The following TANC2 variants were observed in gnomAD, a reference collection of about 807,000 sequenced individuals.
TANC2 encodes the protein protein TANC2.
Under a neutral mutation model 210.5 loss-of-function variants are expected in TANC2, and 26 were observed. The ratio of observed to expected loss-of-function variants is 0.12; its 90% CI spans 0.09 to 0.17. The LOEUF (loss-of-function observed/expected upper bound fraction) is 0.17, where lower values mean the gene tolerates loss of function less well. Among genes scored for constraint, TANC2 ranks in the 10% least tolerant of loss-of-function variants. The pLI, the probability that TANC2 is intolerant of heterozygous loss-of-function variation, is 1.00. For synonymous variants in TANC2, 931 were observed against 967.1 expected, an observed-to-expected ratio of 0.96 and a Z score of 0.69; for missense variants, 2,129 against 2,608.9, an observed-to-expected ratio of 0.82 and a Z score of 4.01.
At chr17:63,220,037 G>A (rs1239917941) in intron 7 of TANC2, among the ~76,000 whole-genome samples, 1 of 152,148 alleles carries the variant, frequency 6.6e-6, no homozygotes, top group African/African-American at 2.4e-5. Context: ...GCTCACACCT[G>A]TAGTCCCAAC....
At chr17:63,314,596 A>C (rs2045254046) in exon 10 of TANC2, 2 of 1,613,896 alleles carry the variant, frequency 1.2e-6, no homozygotes, top group Non-Finnish European at 1.7e-6. Flanking sequence ...TCATCTCCAG[A>C]CTGGTGGCCC....
rs1182921338 is a variant in TANC2 at position 63,211,543 on chromosome 17, C to G, written c.769+10586C>G. ...AATCCAGCTGAGAAGTGTTCTGTCACCACCACTACTACTCCTCCCACCTTT... is the reference window on the plus strand; with the variant it reads ...AATCCAGCTGAGAAGTGTTCTGTCAGCACCACTACTACTCCTCCCACCTTT... On this transcript the variant is annotated intron_variant, in intron 7 of 27. Transcript: ENST00000689528. Among the ~76,000 whole-genome samples the G allele has an allele frequency of 1.7e-4, 26 of 152,066 alleles. 1 individual carries two copies. Among genetic ancestry groups the G allele is most frequent in the Non-Finnish European group, 7.4e-5 (5 of 68,014 alleles).
At chr17:63,064,792 A>T (rs757199098) in intron 2 of TANC2, among the ~76,000 whole-genome samples, 1 of 152,040 alleles carries the variant, frequency 6.6e-6, no homozygotes, top group Non-Finnish European at 1.5e-5. Flanking sequence ...ATGACATACA[A>T]TGTGATGTTT....
At chr17:62,989,811 G>A (rs866511391) in intron 1 of TANC2, among the ~76,000 whole-genome samples, 1 of 126,800 alleles carries the variant, frequency 7.9e-6, no homozygotes. Context: ...TCACTCTGTC[G>A]CCCAGCCTGG....
At chr17:63,218,836 G>A (rs1354418922) in intron 7 of TANC2, among the ~76,000 whole-genome samples, 1 of 152,136 alleles carries the variant, frequency 6.6e-6, no homozygotes, top group African/African-American at 2.4e-5. Context: ...AGAGGTTTCA[G>A]TGAGCTGAGA....
At chr17:63,194,474 A>G (rs1313853276) in intron 6 of TANC2, among the ~76,000 whole-genome samples, 2 of 152,252 alleles carry the variant, frequency 1.3e-5, no homozygotes, top group Non-Finnish European at 2.9e-5. Context: ...ATGCTGAGCC[A>G]TAGAGCAGGT....
At chr17:63,311,012 C>T in intron 9 of TANC2, among the ~76,000 whole-genome samples, 1 of 152,154 alleles carries the variant, frequency 6.6e-6, no homozygotes, top group South Asian at 2.1e-4. Flanking sequence ...GTGAGAGGAA[C>T]TAGAGCATAG....
chr17:63,420,836 C>A lies in TANC2; in HGVS notation c.5106C>A (p.Pro1702=). The change falls in exon 28 of 28, where the codon CCC becomes CCA. Residue 1702 remains proline, a synonymous_variant. Coordinates refer to ENST00000689528, the Ensembl canonical transcript of TANC2. The surrounding 1 kb of genome is among the most constrained non-coding windows in gnomAD (Gnocchi z 4.2). Reference sequence around the variant, plus strand: ...CCCAGATTGTGAGAAGTAACCAGCCCAGCCCAGCCGTCCATTCAAGCACCG... The same window carrying A: ...CCCAGATTGTGAGAAGTAACCAGCCAAGCCCAGCCGTCCATTCAAGCACCG... 6.2e-7 allele frequency: 1 copy of A among 1,614,036 alleles called. No individual in the cohort carries two copies. Among genetic ancestry groups the A allele is most frequent in the Non-Finnish European group, 8.5e-7 (1 of 1,179,898 alleles).
chr17:63,255,660 C>T (rs1263209169), intron 8 of TANC2, among the ~76,000 whole-genome samples: 2 of 151,964 alleles, frequency 1.3e-5, no homozygotes, highest in African/African-American at 2.4e-5. Context: ...GTTGTAATGT[C>T]GTTTTCATCT....
At chr17:63,004,109 G>A (rs574740259) in intron 1 of TANC2, among the ~76,000 whole-genome samples, 1 of 152,276 alleles carries the variant, frequency 6.6e-6, no homozygotes, top group South Asian at 2.1e-4. Context: ...AGGGAGGGTT[G>A]ACATTTCACA....
At chr17:63,170,936 A>T (rs2040383034) in intron 5 of TANC2, among the ~76,000 whole-genome samples, 1 of 152,106 alleles carries the variant, frequency 6.6e-6, no homozygotes, top group Non-Finnish European at 1.5e-5. Flanking sequence ...CATGATACTG[A>T]ATTGCTCAAA....
intron 1 of TANC2, among the ~76,000 whole-genome samples, chr17:62,971,869 G>A (rs1285867111): frequency 1.3e-5 from 2 of 152,202 alleles, no homozygotes; most frequent in Non-Finnish European, 2.9e-5. Context: ...GATGATCTGA[G>A]GTGGAACAGT....
At chr17:63,340,639 T>C (rs996310741) in intron 12 of TANC2, among the ~76,000 whole-genome samples, 8 of 152,170 alleles carry the variant, frequency 5.3e-5, no homozygotes, top group African/African-American at 9.7e-5. Context: ...GTCAGTAAAT[T>C]TGTGGCTCCA....
chr17:62,971,905 C>G (rs1274964962), intron 1 of TANC2, among the ~76,000 whole-genome samples: 3 of 152,304 alleles, frequency 2.0e-5, no homozygotes, highest in African/African-American at 4.8e-5. Flanking sequence ...TCTCTGCCCC[C>G]CTACCCTCTG....
intron 8 of TANC2, among the ~76,000 whole-genome samples, chr17:63,266,986 A>C (rs1307215736): frequency 6.6e-6 from 1 of 151,984 alleles, no homozygotes; most frequent in Non-Finnish European, 1.5e-5. Flanking sequence ...AGTAGCTGGG[A>C]CTACAGGCGC....
intron 11 of TANC2, among the ~76,000 whole-genome samples, chr17:63,334,441 A>G (rs962509231): frequency 6.6e-6 from 1 of 152,102 alleles, no homozygotes; most frequent in African/African-American, 2.4e-5. Context: ...AAATAAGCCC[A>G]TACTTATTAA....
intron 7 of TANC2, among the ~76,000 whole-genome samples, chr17:63,225,234 T>A (rs117580931): frequency 0.018 from 2,741 of 152,346 alleles, 34 homozygotes; most frequent in South Asian, 0.025. Context: ...CAGTTAATGT[T>A]TTCTGACGCA....
chr17:63,009,742 GT>G, intron 2 of TANC2, 116 bp downstream of exon 2: 1 of 862,430 alleles, frequency 1.2e-6, no homozygotes, highest in Non-Finnish European at 1.8e-6. Flanking sequence ...TTAAAAGAAA[GT>G]TTACATTTCT....
At chr17:62,984,740 G>A (rs866668462) in intron 1 of TANC2, among the ~76,000 whole-genome samples, 2 of 151,994 alleles carry the variant, frequency 1.3e-5, no homozygotes, top group South Asian at 2.1e-4. Flanking sequence ...GGAGCAGGTT[G>A]TTTTATTTCC....
Sources: allele counts gnomAD v4.1 joint callset (sites outside exome capture counted in the v4.1 genomes callset), GRCh38; gene constraint gnomAD v4.1.1; non-coding constraint Gnocchi (gnomAD v3.1); transcripts MANE v1.5; gene names NCBI Gene and HGNC (gene_info 2026-07-23, HGNC 2026-07-21).